The following MAPK10 variants were observed in gnomAD, a reference collection of about 807,000 sequenced individuals.
The protein encoded by MAPK10 is mitogen-activated protein kinase 10.
In MAPK10, 25 loss-of-function variants were observed where a neutral mutation model predicts 59.3. The ratio of observed to expected loss-of-function variants is 0.42; its 90% CI spans 0.31 to 0.59. The LOEUF is 0.59. Ranked by LOEUF, MAPK10 falls within the 20% of genes least tolerant of loss-of-function variation. The pLI, the probability that MAPK10 is intolerant of heterozygous loss-of-function variation, is 0.15. For synonymous variants in MAPK10, 190 were observed against 200.5 expected, an observed-to-expected ratio of 0.95 and a Z score of 0.44; for missense variants, 351 against 568.9, an observed-to-expected ratio of 0.62 and a Z score of 3.90.
At chr4:86,302,120 G>C (rs928016019) in intron 2 of MAPK10, among the ~76,000 whole-genome samples, 3 of 152,132 alleles carry the variant, frequency 2.0e-5, no homozygotes, top group African/African-American at 7.2e-5. Context: ...ATAACCAGCC[G>C]AAGTCAGCAA....
intron 4 of MAPK10, among the ~76,000 whole-genome samples, chr4:86,142,986 G>A (rs1438909456): frequency 6.6e-6 from 1 of 152,162 alleles, no homozygotes; most frequent in East Asian, 1.9e-4. Flanking sequence ...GCTGCTATGA[G>A]GAAATACCTG....
At chr4:86,515,608 A>T (rs1405765596) in intron 1 of MAPK10, among the ~76,000 whole-genome samples, 2 of 151,900 alleles carry the variant, frequency 1.3e-5, no homozygotes, top group Non-Finnish European at 2.9e-5. Context: ...ATTTTTTCAT[A>T]TGTTTGTTGG....
chr4:86,271,883 A>G (rs1387131311), intron 2 of MAPK10, among the ~76,000 whole-genome samples: 1 of 152,024 alleles, frequency 6.6e-6, no homozygotes, highest in Non-Finnish European at 1.5e-5. Context: ...CTCCCATGAC[A>G]TGTGGGGATT....
intron 2 of MAPK10, among the ~76,000 whole-genome samples, chr4:86,343,575 TG>T (rs1251627239): frequency 6.6e-6 from 1 of 152,082 alleles, no homozygotes; most frequent in Non-Finnish European, 1.5e-5. Flanking sequence ...TTTTTAGGAG[TG>T]GTTCTCAAAG....
chr4:86,057,763 A>G (rs976028890), intron 11 of MAPK10, among the ~76,000 whole-genome samples: 2 of 150,202 alleles, frequency 1.3e-5, no homozygotes, highest in Non-Finnish European at 3.0e-5. Flanking sequence ...TGGATAAAAA[A>G]GAGAAAAGGG....
chr4:86,584,043 C>T (rs1043176414), intron 1 of MAPK10, among the ~76,000 whole-genome samples: 2 of 151,916 alleles, frequency 1.3e-5, no homozygotes, highest in African/African-American at 2.4e-5. Flanking sequence ...GTGTGTATGT[C>T]TGTGTGTGTG....
At chr4:86,185,105 C>T (rs114403771) in intron 3 of MAPK10, among the ~76,000 whole-genome samples, 4,605 of 152,250 alleles carry the variant, frequency 0.03, 94 homozygotes, top group South Asian at 0.041. Flanking sequence ...CATCGTTAAA[C>T]TTTGAGTTGG....
chr4:86,092,484 G>T (rs2053432325), intron 9 of MAPK10, among the ~76,000 whole-genome samples: 1 of 151,924 alleles, frequency 6.6e-6, no homozygotes, highest in Non-Finnish European at 1.5e-5. Flanking sequence ...TCCACTAACA[G>T]AAAATGTATA....
intron 1 of MAPK10, among the ~76,000 whole-genome samples, chr4:86,382,515 A>G (rs889184772): frequency 1.3e-5 from 2 of 152,174 alleles, no homozygotes; most frequent in African/African-American, 4.8e-5. Context: ...TGGACCGAAA[A>G]GCATTTGCGG....
intron 4 of MAPK10, among the ~76,000 whole-genome samples, chr4:86,109,725 A>G (rs2057155052): frequency 6.6e-6 from 1 of 152,186 alleles, no homozygotes; most frequent in East Asian, 1.9e-4. Flanking sequence ...CAACAGAATG[A>G]TTTATATTCC....
intron 1 of MAPK10, among the ~76,000 whole-genome samples, chr4:86,561,072 T>G (rs998391736): frequency 1.2e-4 from 18 of 152,222 alleles, no homozygotes; most frequent in African/African-American, 4.3e-4. Flanking sequence ...AACTATTTCA[T>G]GTCAGACCAT....
At chr4:86,564,317 G>A (rs1361546940) in intron 1 of MAPK10, among the ~76,000 whole-genome samples, 1 of 152,086 alleles carries the variant, frequency 6.6e-6, no homozygotes, top group African/African-American at 2.4e-5. Context: ...ACAGTCTCCT[G>A]GCCATGGAAA....
At chr4:86,325,319 C>T (rs2095998243) in intron 2 of MAPK10, among the ~76,000 whole-genome samples, 1 of 152,184 alleles carries the variant, frequency 6.6e-6, no homozygotes, top group Admixed American at 6.5e-5. Flanking sequence ...ATTCACAAAA[C>T]AATCCTATAA....
intron 2 of MAPK10, among the ~76,000 whole-genome samples, chr4:86,343,884 T>C (rs144001936): frequency 0.023 from 1,683 of 73,490 alleles, 15 homozygotes; most frequent in South Asian, 0.11. Context: ...GTAGTTTTCA[T>C]AAAAAGATAA....
At chr4:86,423,534 G>A (rs1173215324) in intron 1 of MAPK10, among the ~76,000 whole-genome samples, 1 of 152,080 alleles carries the variant, frequency 6.6e-6, no homozygotes, top group Non-Finnish European at 1.5e-5. Flanking sequence ...TAATGGCTAT[G>A]GCAGTTAGCT....
At chr4:86,306,883 A>G (rs1173244959) in intron 2 of MAPK10, among the ~76,000 whole-genome samples, 1 of 152,180 alleles carries the variant, frequency 6.6e-6, no homozygotes, top group Non-Finnish European at 1.5e-5. Context: ...GCCCACATTT[A>G]TATGTAGTCT....
intron 1 of MAPK10, among the ~76,000 whole-genome samples, chr4:86,441,937 G>A (rs77862135): frequency 0.056 from 8,536 of 152,250 alleles, 337 homozygotes; most frequent in African/African-American, 0.089. Flanking sequence ...AGGGGCTGGG[G>A]GGTATCTTTT....
intron 1 of MAPK10, among the ~76,000 whole-genome samples, chr4:86,574,719 A>T (rs1761745177): frequency 6.6e-6 from 1 of 152,116 alleles, no homozygotes. Flanking sequence ...ATGTTCTGTG[A>T]CCTGGCTAAA....
chr4:86,394,362 A>G (rs1742642013), intron 1 of MAPK10, among the ~76,000 whole-genome samples: 2 of 152,320 alleles, frequency 1.3e-5, no homozygotes, highest in African/African-American at 2.4e-5. Flanking sequence ...TGACTTACCA[A>G]TATTTCAGAA....
Sources: gnomAD v4.1 joint callset for allele counts (sites outside exome capture counted in the v4.1 genomes callset) on GRCh38, gnomAD v4.1.1 for gene constraint, MANE v1.5 for transcripts, NCBI Gene and HGNC (gene_info 2026-07-23, HGNC 2026-07-21) for gene names.